GP6: variants seen among roughly 807,000 people sequenced by gnomAD.
GP6 encodes the protein platelet glycoprotein VI.
GP6 carries 45 observed loss-of-function variants against 37.3 expected under a neutral mutation model. That is an observed-to-expected ratio of 1.21 (90% CI 0.95 to 1.55). The LOEUF is 1.55. Among genes scored for constraint, GP6 ranks in the 40% most tolerant of loss-of-function variants. The pLI, the probability that GP6 is intolerant of heterozygous loss-of-function variation, is 0.00. For synonymous variants in GP6, 340 were observed against 316.4 expected (o/e 1.07, Z -0.79); for missense variants, 813 against 760.2 (o/e 1.07, Z -0.82).
At chr19:55,029,183 T>C (rs560928808) in intron 3 of GP6, among the ~76,000 whole-genome samples, 2 of 150,142 alleles carry the variant, frequency 1.3e-5, no homozygotes, top group African/African-American at 2.4e-5. Context: ...AGCAATATTT[T>C]CTCTTAATTT....
intron 4 of GP6, among the ~76,000 whole-genome samples, chr19:55,026,020 A>G (rs942390014): frequency 2.7e-5 from 4 of 146,770 alleles, no homozygotes; most frequent in Admixed American, 1.4e-4. Context: ...AAAAAAAAAA[A>G]AAGCAGCAGC....
intron 5 of GP6, among the ~76,000 whole-genome samples, chr19:55,024,322 A>ATGCACGCACACG (rs1568613106): frequency 7.2e-6 from 1 of 138,598 alleles, no homozygotes; most frequent in Non-Finnish European, 1.6e-5. Context: ...GCACGCACAC[A>ATGCACGCACACG]CACATATGCA....
chr19:55,024,135 TGTAACCATTAGAGGAAACTGGAAAAA>T (rs1245266466), intron 5 of GP6, among the ~76,000 whole-genome samples: 1 of 152,228 alleles, frequency 6.6e-6, no homozygotes, highest in Non-Finnish European at 1.5e-5. Flanking sequence ...TTACGTAAGA[TGTAACCATTAGAGGAAACTGGAAAAA>T]GAGCACATGG....
chr19:55,034,069 C>CATCT (rs1341658640), intron 1 of GP6, among the ~76,000 whole-genome samples: 1 of 151,656 alleles, frequency 6.6e-6, no homozygotes, highest in African/African-American at 2.4e-5. Context: ...TGTAAACCTA[C>CATCT]ATCTATACAT....
chr19:55,018,537 G>A (rs2146724742), intron 6 of GP6, 115 bp downstream of exon 6: 2 of 791,934 alleles, frequency 2.5e-6, no homozygotes, highest in East Asian at 4.8e-5. Context: ...GGACTTTCTT[G>A]GTAAGAGACG....
intron 3 of GP6, 99 bp from the exon 4 acceptor site, chr19:55,027,961 G>C: frequency 1.6e-6 from 2 of 1,214,676 alleles, no homozygotes; most frequent in Non-Finnish European, 2.4e-6. Flanking sequence ...GGAGCTTTTT[G>C]GCTGTATCCC....
intron 1 of GP6, among the ~76,000 whole-genome samples, chr19:55,035,242 A>AG (rs71181730): frequency 6.1e-5 from 3 of 48,958 alleles, no homozygotes; most frequent in Non-Finnish European, 1.7e-4. Context: ...TTGGGAACTT[A>AG]CAGGAGTAGA....
At position 55,025,233 on chromosome 19, in the gene GP6, G is replaced by T; in HGVS notation, c.649C>A (p.Pro217Thr). The change falls in exon 5 of 8, where the codon CCT becomes ACT. Residue 217 changes from proline (P) to threonine (T), a missense_variant. Pro to Thr is a conservative substitution (Grantham distance 38). Coordinates refer to ENST00000310373, the MANE Select transcript of GP6 (RefSeq NM_001083899.2). The stretch of plus-strand genomic sequence containing the variant: ...CAGAACCTACCTGCTACCGGGGAAG[G>T]TGGTTCTGTTGGTAACCGGCTGGGG... The T allele has an allele frequency of 6.5e-7, 1 of 1,546,130 alleles. No homozygotes were observed. Among genetic ancestry groups the T allele is most frequent in the South Asian group, 1.2e-5 (1 of 83,974 alleles).
intron 5 of GP6, among the ~76,000 whole-genome samples, chr19:55,021,435 G>T (rs1363289648): frequency 6.6e-6 from 1 of 150,762 alleles, no homozygotes; most frequent in African/African-American, 2.4e-5. Context: ...CTTCCACAAT[G>T]AACTAATTTA....
intron 3 of GP6, among the ~76,000 whole-genome samples, chr19:55,028,251 C>A (rs1020695734): frequency 3.9e-5 from 6 of 152,226 alleles, no homozygotes; most frequent in African/African-American, 1.4e-4. Flanking sequence ...TTATACTGTG[C>A]TGTAAGCTTG....
intron 4 of GP6, 84 bp downstream of exon 4, chr19:55,027,494 T>A: frequency 8.7e-7 from 1 of 1,149,844 alleles, no homozygotes; most frequent in Non-Finnish European, 1.3e-6. Context: ...TCCCACTTCC[T>A]TCCCACTTAT....
chr19:55,024,287 CATAT>C (rs748836736), intron 5 of GP6, among the ~76,000 whole-genome samples: 1 of 41,088 alleles, frequency 2.4e-5, no homozygotes, highest in Non-Finnish European at 6.8e-5. Context: ...CACACACACA[CATAT>C]GCACGCATGC....
In GP6 at chr19:55,035,055, C is replaced by T. The variant is rs142756553; in HGVS notation, c.35-2517G>A. ...CCATGGCTGGGAGTCTTCCAGGCGC[C>T]GTGCTGAGCGCCTTCTGTGCATGGA... On this transcript the variant is annotated intron_variant, in intron 1 of 7. Coordinates refer to ENST00000310373, the MANE Select transcript of GP6 (RefSeq NM_001083899.2). Among the ~76,000 whole-genome samples, 9 of 152,300 alleles carry T rather than the reference C, an allele frequency of 5.9e-5. No individual in the cohort carries two copies. The East Asian group carries it at 1.2e-3, about 20-fold the overall frequency.
intron 3 of GP6, among the ~76,000 whole-genome samples, chr19:55,029,206 C>G (rs1273698405): frequency 1.9e-5 from 2 of 104,498 alleles, no homozygotes; most frequent in Non-Finnish European, 4.5e-5. Context: ...ACTTAAGCAA[C>G]TATTATGTGT....
intron 6 of GP6, 64 bp from the exon 7 acceptor site, chr19:55,015,797 T>C (rs1395812685): frequency 5.9e-6 from 5 of 851,738 alleles, no homozygotes; most frequent in African/African-American, 1.6e-5. Context: ...TCACTGTGCC[T>C]ACTCCGAACA....
intron 1 of GP6, among the ~76,000 whole-genome samples, chr19:55,033,139 ACGGTGGGTTCGTTCGTGTTAGACG>A (rs1568642270): frequency 1.7e-3 from 14 of 8,058 alleles, no homozygotes; most frequent in African/African-American, 3.5e-3. Flanking sequence ...CGTGTTAGAC[ACGGTGGGTTCGTTCGTGTTAGACG>A]CGGTGGGTTC....
chr19:55,034,970 C>T (rs539067809), intron 1 of GP6, among the ~76,000 whole-genome samples: 1 of 152,314 alleles, frequency 6.6e-6, no homozygotes, highest in South Asian at 2.1e-4. Flanking sequence ...CTCTGTCCCC[C>T]TCCTCCTGCC....
At chr19:55,025,167 G>C in intron 5 of GP6, 51 bp downstream of exon 5, 2 of 904,650 alleles carry the variant, frequency 2.2e-6, no homozygotes, top group Non-Finnish European at 3.6e-6. Flanking sequence ...AGAGAGAAGG[G>C]GTCCGTGTAC....
intron 5 of GP6, among the ~76,000 whole-genome samples, chr19:55,024,232 G>A (rs1602572642): frequency 7.5e-6 from 1 of 133,374 alleles, no homozygotes; most frequent in East Asian, 2.4e-4. Context: ...AAAAGAGAAA[G>A]TTCAAAAATT....
Sources: gnomAD v4.1 joint callset for allele counts (sites outside exome capture counted in the v4.1 genomes callset) on GRCh38, gnomAD v4.1.1 for gene constraint, MANE v1.5 for transcripts, NCBI Gene and HGNC (gene_info 2026-07-23, HGNC 2026-07-21) for gene names.